The following PCNT variants were observed in gnomAD, a reference collection of about 807,000 sequenced individuals.
PCNT encodes kendrin.
PCNT carries 319 observed loss-of-function variants against 380.4 expected under a neutral mutation model. The observed-to-expected ratio is 0.84, with a 90% CI of 0.77 to 0.92. The LOEUF (loss-of-function observed/expected upper bound fraction) is 0.92. Among genes scored for constraint, PCNT ranks in the 40% least tolerant of loss-of-function variants. The pLI is 0.00. For missense variants in PCNT, 4,400 were observed against 4,255.3 expected (o/e 1.03, Z -0.95); for synonymous variants, 1,845 against 1,735.2 (o/e 1.06, Z -1.57).
Position 46,411,492 on chromosome 21 carries a change from G to A in PCNT, c.5419G>A (p.Ala1807Thr), listed in dbSNP as rs968189722. The A allele has an allele frequency of 5.0e-6, 8 of 1,609,402 alleles. No individual in the cohort carries two copies. The highest frequency in any genetic ancestry group is 6.8e-6 in the Non-Finnish European group (8 of 1,178,606). Residue 1807 changes from alanine to threonine, a missense_variant, in exon 28 of 47, where the codon GCT becomes ACT. Ala to Thr is a moderately conservative substitution (Grantham distance 58). Transcript: ENST00000359568. The stretch of plus-strand genomic sequence containing the variant: ...CAAGGAGGCCCTGAGCCGGCTGCTG[G>A]CTGACCAGGAGCGCAGGCACAGCCA... ...EAKEALSRLL[A>T]DQERRHSQAL...
chr21:46,429,617 T>C (rs1219892993), intron 35 of PCNT, among the ~76,000 whole-genome samples: 1 of 152,194 alleles, frequency 6.6e-6, no homozygotes, highest in Non-Finnish European at 1.5e-5. Context: ...AAGTAGCCCC[T>C]CCGCCCTCCG....
Position 46,411,377 on chromosome 21 carries a change from T to A in PCNT, c.5304T>A (p.Ala1768=). 1 of 1,614,008 alleles carries A rather than the reference T, an allele frequency of 6.2e-7. No individual in the cohort carries two copies. Among genetic ancestry groups the A allele is most frequent in the Non-Finnish European group, 8.5e-7 (1 of 1,180,018 alleles). The part of the protein sequence containing the change: ...PVVHEVSDSQ[A]GSLQSELLCS... The stretch of plus-strand genomic sequence containing the variant: ...TGCACGAAGTCAGCGACAGTCAGGC[T>A]GGCAGTCTGCAGAGCGAGCTGCTCT... Residue 1768 remains alanine, a synonymous_variant, in exon 28 of 47, where the codon GCT becomes GCA. Coordinates refer to ENST00000359568, the MANE Select transcript of PCNT (RefSeq NM_006031.6).
chr21:46,327,320 A>T (rs1293638465), intron 2 of PCNT, among the ~76,000 whole-genome samples: 2 of 151,970 alleles, frequency 1.3e-5, no homozygotes, highest in Non-Finnish European at 2.9e-5. Flanking sequence ...CGGCCTCCCA[A>T]AGTGCTGGGA....
rs780369662 is a variant in PCNT at position 46,399,799 on chromosome 21, A to G, written c.4791+3A>G. The G allele has an allele frequency of 3.1e-6, 5 of 1,613,238 alleles. No homozygotes were observed. Among genetic ancestry groups the G allele is most frequent in the Non-Finnish European group, 4.2e-6 (5 of 1,179,346 alleles). ...ACATCGTGAAAGGGCTGGAACAGGT[A>G]AAGCGTCTCCATGTTGTGGTTGGGC... On this transcript the variant is annotated splice_donor_region_variant and intron_variant, in intron 25 of 46. Coordinates refer to ENST00000359568, the MANE Select transcript of PCNT (RefSeq NM_006031.6).
intron 2 of PCNT, among the ~76,000 whole-genome samples, chr21:46,331,368 C>T (rs1242135775): frequency 6.6e-6 from 1 of 151,204 alleles, no homozygotes; most frequent in African/African-American, 2.4e-5. Context: ...AGTTTTTTTT[C>T]AGGATGGTTA....
intron 1 of PCNT, among the ~76,000 whole-genome samples, chr21:46,325,748 G>C (rs999430771): frequency 7.9e-5 from 12 of 152,294 alleles, no homozygotes; most frequent in Non-Finnish European, 1.2e-4. Context: ...GATGAGGCTC[G>C]CACATAGTCT....
chr21:46,387,305 G>T (rs867390732), intron 17 of PCNT, among the ~76,000 whole-genome samples: 21 of 152,188 alleles, frequency 1.4e-4, no homozygotes, highest in African/African-American at 4.6e-4. Flanking sequence ...GTAGCACTTG[G>T]CTGTGGGTGT....
Position 46,411,951 on chromosome 21 carries a change from C to T in PCNT, c.5878C>T (p.Arg1960Trp), listed in dbSNP as rs776742049. ...RQARRATAHT[R>W]VPGAHPQPRM... ...GGCCCGCAGAGCCACAGCTCACACACGGGTGCCCGGGGCCCACCCACAGCC... is the reference window on the plus strand; with the variant it reads ...GGCCCGCAGAGCCACAGCTCACACATGGGTGCCCGGGGCCCACCCACAGCC... The change falls in exon 28 of 47, where the codon CGG becomes TGG. Residue 1960 changes from arginine to tryptophan, a missense_variant. By Grantham distance (101) the Arg-to-Trp change is moderately radical. Transcript: ENST00000359568. 3.1e-5 allele frequency: 49 copies of T among 1,597,386 alleles called. No homozygotes were observed. Among genetic ancestry groups the T allele is most frequent in the African/African-American group, 2.9e-4 (22 of 74,844 alleles).
intron 2 of PCNT, among the ~76,000 whole-genome samples, chr21:46,333,932 T>A (rs539310370): frequency 1.4e-5 from 2 of 146,914 alleles, no homozygotes; most frequent in Non-Finnish European, 3.0e-5. Flanking sequence ...GCTGGCCAGG[T>A]GTGGTGGCTC....
chr21:46,381,682 T>C lies in PCNT; in HGVS notation c.3166-12T>C, dbSNP rs2147145198. 1.2e-6 allele frequency: 2 copies of C among 1,611,064 alleles called. No individual in the cohort carries two copies. Among genetic ancestry groups the C allele is most frequent in the Middle Eastern group, 3.3e-4 (2 of 6,056 alleles). ...GCTTACTGGTATTTTTTATTGTTAT[T>C]GATGTGTACAGGGTGAATTTGGAAG... On this transcript the variant is annotated splice_polypyrimidine_tract_variant and intron_variant, in intron 15 of 46. Transcript: ENST00000359568.
At chr21:46,424,857 A>G (rs750202182) in intron 32 of PCNT, among the ~76,000 whole-genome samples, 1 of 151,664 alleles carries the variant, frequency 6.6e-6, no homozygotes, top group Non-Finnish European at 1.5e-5. Flanking sequence ...CGTTATGTTT[A>G]AAGTAAAAGT....
In PCNT at chr21:46,425,888, C is replaced by T. The variant is rs1744026146; in HGVS notation, c.7237C>T (p.Leu2413Phe). ...SHQILALSEGLAPPSGEPHPP... is the reference protein window; with the variant it reads ...SHQILALSEGFAPPSGEPHPP... Reference sequence around the variant, plus strand: ...CCAGATCCTGGCGCTGTCAGAAGGCCTTGCACCCCCAAGCGGCGAGCCACA... The same window carrying T: ...CCAGATCCTGGCGCTGTCAGAAGGCTTTGCACCCCCAAGCGGCGAGCCACA... The change falls in exon 33 of 47, where the codon CTT (leucine) becomes TTT (phenylalanine). Residue 2413 changes from leucine (L) to phenylalanine (F), a missense_variant. Physicochemically the swap from Leu to Phe is conservative, Grantham distance 22 (BLOSUM62 0). Coordinates refer to ENST00000359568, the MANE Select transcript of PCNT (RefSeq NM_006031.6). The surrounding 1 kb of genome is among the most constrained non-coding windows in gnomAD (Gnocchi z 4.2). The T allele has an allele frequency of 1.9e-6, 3 of 1,613,918 alleles. No homozygotes were observed. Among genetic ancestry groups the T allele is most frequent in the Non-Finnish European group, 1.7e-6 (2 of 1,180,014 alleles).
chr21:46,390,527 T>C, intron 19 of PCNT, 143 bp from the exon 20 acceptor site: 1 of 833,478 alleles, frequency 1.2e-6, no homozygotes, highest in South Asian at 1.4e-5. Context: ...TGAGATGTGC[T>C]CAGGTCCCGT....
rs200198092 is a variant in PCNT, at chr21:46,355,576, C to A, written c.1886C>A (p.Ser629Ter). The A allele has an allele frequency of 1.1e-5, 18 of 1,614,018 alleles. No individual in the cohort carries two copies. The African/African-American group carries it at 2.3e-4, about 20-fold the overall frequency. Residue 629 changes from serine to a stop codon, truncating the protein, a stop_gained, in exon 12 of 47, where the codon TCA becomes TAA. Transcript: ENST00000359568. LOFTEE classifies it high-confidence loss of function. ...HVSDRCCVETSALGHEWRLEP... is the reference protein window; with the variant it reads ...HVSDRCCVET Reference sequence around the variant, plus strand: ...TCAGACAGATGCTGCGTAGAGACTTCAGCATTGGGACACGAGTGGCGTCTG... The same window carrying A: ...TCAGACAGATGCTGCGTAGAGACTTAAGCATTGGGACACGAGTGGCGTCTG...
intron 24 of PCNT, among the ~76,000 whole-genome samples, chr21:46,398,821 T>C (rs1049299317): frequency 5.6e-4 from 16 of 28,824 alleles, no homozygotes; most frequent in Admixed American, 2.1e-3. Context: ...TTTCTTTTTC[T>C]TTTTTTTTTT....
intron 29 of PCNT, among the ~76,000 whole-genome samples, 182 bp downstream of exon 29, chr21:46,413,174 TGTGGGGAGCGGGGAAGGCACGAGG>T (rs2086859460): frequency 2.5e-5 from 3 of 122,032 alleles, no homozygotes; most frequent in South Asian, 5.5e-4. Context: ...GGCAGCAAGG[TGTGGGGAGCGGGGAAGGCACGAGG>T]CCCACCCGGG....
chr21:46,431,865 G>T lies in PCNT; in HGVS notation c.8401G>T (p.Val2801Leu), dbSNP rs138868039. 1 of 1,613,864 alleles carries T rather than the reference G, an allele frequency of 6.2e-7. No individual in the cohort carries two copies. The highest frequency in any genetic ancestry group is 2.2e-5 in the East Asian group (1 of 44,892). ...GAAGCTGAAGGAGGAGAAGTCCCGG[G>T]TGGTGGACTTGCAAGCGATGCTTGA... ...LQKLKEEKSR[V>L]VDLQAMLEKV... The change falls in exon 38 of 47, where the codon GTG becomes TTG. Residue 2801 changes from valine (V) to leucine (L), a missense_variant. By Grantham distance (32) the Val-to-Leu change is conservative. Transcript: ENST00000359568.
chr21:46,423,075 CCT>C (rs2094143138), intron 32 of PCNT, among the ~76,000 whole-genome samples: 1 of 152,082 alleles, frequency 6.6e-6, no homozygotes, highest in Non-Finnish European at 1.5e-5. Flanking sequence ...TAGTAAGACC[CCT>C]CTCTGTCAGA....
intron 3 of PCNT, among the ~76,000 whole-genome samples, chr21:46,343,568 G>A (rs1251636032): frequency 2.6e-5 from 4 of 152,100 alleles, no homozygotes; most frequent in African/African-American, 9.7e-5. Flanking sequence ...AGGGATATTG[G>A]TCTGTAGTTT....
Sources: gnomAD v4.1 joint callset for allele counts (sites outside exome capture counted in the v4.1 genomes callset) on GRCh38, gnomAD v4.1.1 for gene constraint, Gnocchi (gnomAD v3.1) non-coding constraint, MANE v1.5 for transcripts, NCBI Gene and HGNC (gene_info 2026-07-23, HGNC 2026-07-21) for gene names.